Variants in CATSPERE observed in about 807,000 individuals in gnomAD.
CATSPERE encodes the protein catsper channel auxiliary subunit epsilon.
CATSPERE carries 93 observed loss-of-function variants against 114.1 expected under a neutral mutation model. The ratio of observed to expected loss-of-function variants is 0.81; its 90% confidence interval spans 0.69 to 0.97. The LOEUF is 0.97. Among genes scored for constraint, CATSPERE ranks in the 50% least tolerant of loss-of-function variants. CATSPERE has a pLI of 0.00. For missense variants in CATSPERE, 1,058 were observed against 1,131.6 expected (o/e 0.93, Z 0.93); for synonymous variants, 341 against 384.1 (o/e 0.89, Z 1.31).
chr1:244,490,651 C>G (rs139296295), intron 6 of CATSPERE, among the ~76,000 whole-genome samples, 180 bp downstream of exon 6: 1 of 151,868 alleles, frequency 6.6e-6, no homozygotes. Flanking sequence ...CTTTTCTAAC[C>G]ACCTATCTGC....
At chr1:244,580,818 T>C (rs1324729346) in intron 11 of CATSPERE, among the ~76,000 whole-genome samples, 5 of 152,024 alleles carry the variant, frequency 3.3e-5, no homozygotes, top group Admixed American at 3.3e-4. Flanking sequence ...CTGACCAACA[T>C]GGTGAAACCC....
At position 244,568,333 on chromosome 1, in the gene CATSPERE, T is replaced by C. The variant is rs563150375; in HGVS notation, c.1508-3997T>C. The stretch of plus-strand genomic sequence containing the variant: ...GAGACACAGGGGTCAGGGACCCACT[T>C]GAGGAAGCCGTCTGTCCCTTAGCAG... On this transcript the variant is annotated intron_variant, in intron 10 of 21. Coordinates refer to ENST00000366534, the MANE Select transcript of CATSPERE (RefSeq NM_001130957.2). The surrounding 1 kb of genome is among the most constrained non-coding windows in gnomAD (Gnocchi z 4.4). Among the ~76,000 whole-genome samples the C allele has an allele frequency of 5.9e-5, 9 of 152,342 alleles. No homozygotes were observed. In the East Asian group the frequency reaches 1.7e-3, roughly 29 times the overall value.
chr1:244,561,229 C>G (rs1662510024), intron 10 of CATSPERE, 84 bp downstream of exon 10: 1 of 1,037,042 alleles, frequency 9.6e-7, no homozygotes, highest in Non-Finnish European at 1.4e-6. Flanking sequence ...TTTTAATGTA[C>G]CAATGTGTGG....
At chr1:244,569,414 C>T (rs1664120830) in intron 10 of CATSPERE, among the ~76,000 whole-genome samples, 1 of 152,202 alleles carries the variant, frequency 6.6e-6, no homozygotes, top group African/African-American at 2.4e-5. Context: ...TGTGAATTTT[C>T]TATTCATACT....
chr1:244,463,792 A>T, intron 1 of CATSPERE, 116 bp from the exon 2 acceptor site: 1 of 857,182 alleles, frequency 1.2e-6, no homozygotes, highest in South Asian at 1.5e-5. Context: ...AAGGAAGGGA[A>T]TGAGGCAGAA....
rs569021897 is a variant in CATSPERE, at chr1:244,553,241, C to G, written c.1029+427C>G. Among the ~76,000 whole-genome samples the G allele has an allele frequency of 2.0e-4, 31 of 152,240 alleles. No individual in the cohort carries two copies. In the East Asian group the frequency reaches 6.0e-3, roughly 29 times the overall value. On this transcript the variant is annotated intron_variant, in intron 9 of 21. Coordinates refer to ENST00000366534, the MANE Select transcript of CATSPERE (RefSeq NM_001130957.2). Reference sequence around the variant, plus strand: ...TGTCTATGTGTTGGTATCATTTCCTCTCTCCTAGTTACTTTGAAATGTTAA... The same window carrying G: ...TGTCTATGTGTTGGTATCATTTCCTGTCTCCTAGTTACTTTGAAATGTTAA...
chr1:244,605,625 C>T, intron 17 of CATSPERE, 70 bp from the exon 18 acceptor site: 1 of 993,500 alleles, frequency 1.0e-6, no homozygotes, highest in South Asian at 1.4e-5. Context: ...ACTTCTGACT[C>T]AGAAGCTGGA....
intron 2 of CATSPERE, among the ~76,000 whole-genome samples, chr1:244,472,483 T>C (rs1029269726): frequency 6.6e-6 from 1 of 152,216 alleles, no homozygotes; most frequent in African/African-American, 2.4e-5. Flanking sequence ...TAACAGACTT[T>C]ATTTTTAGAG....
chr1:244,629,558 C>G (rs913582342), intron 20 of CATSPERE, among the ~76,000 whole-genome samples: 6 of 138,070 alleles, frequency 4.3e-5, no homozygotes, highest in Admixed American at 7.9e-5. Flanking sequence ...TGTTGCCCAG[C>G]CTGGTCTTGA....
intron 7 of CATSPERE, among the ~76,000 whole-genome samples, chr1:244,500,533 G>A (rs1673870601): frequency 6.6e-6 from 1 of 152,146 alleles, no homozygotes; most frequent in Non-Finnish European, 1.5e-5. Flanking sequence ...GAGGTTTAAG[G>A]AAGGGGTCCA....
chr1:244,585,080 G>T (rs954428522), intron 13 of CATSPERE, among the ~76,000 whole-genome samples: 1 of 143,056 alleles, frequency 7.0e-6, no homozygotes, highest in Non-Finnish European at 1.5e-5. Context: ...ATTTTTTAGG[G>T]ATCCCTATTC....
At chr1:244,494,771 C>T (rs945117457) in intron 6 of CATSPERE, among the ~76,000 whole-genome samples, 1 of 152,004 alleles carries the variant, frequency 6.6e-6, no homozygotes, top group Non-Finnish European at 1.5e-5. Flanking sequence ...TCTCTAAAAG[C>T]AGCAACTTAC....
rs374431482 is a variant in CATSPERE at position 244,463,908 on chromosome 1, G to A, written c.66G>A (p.Arg22=). 5.6e-6 allele frequency: 9 copies of A among 1,596,770 alleles called. No individual in the cohort carries two copies. The highest frequency in any genetic ancestry group is 1.7e-5 in the Admixed American group (1 of 59,982). The change falls in exon 2 of 22, where the codon AGG becomes AGA. Residue 22 remains arginine (R), a splice_region_variant and synonymous_variant. Transcript: ENST00000366534. ...TTATACTTGGCCTCTTCCTCCACAGGTATTCCACTAACAGCCCAAACTATC... is the reference window on the plus strand; with the variant it reads ...TTATACTTGGCCTCTTCCTCCACAGATATTCCACTAACAGCCCAAACTATC... ...WLSCYGSALW[R]YSTNSPNYRI... is the part of the protein sequence containing the mutation.
intron 11 of CATSPERE, among the ~76,000 whole-genome samples, chr1:244,579,243 T>G (rs1256535109): frequency 6.7e-6 from 1 of 148,440 alleles, no homozygotes; most frequent in Non-Finnish European, 1.5e-5. Context: ...CAGTGTGTAC[T>G]GTAGTTAATT....
intron 7 of CATSPERE, among the ~76,000 whole-genome samples, chr1:244,511,472 A>T (rs971930051): frequency 2.0e-5 from 3 of 152,102 alleles, no homozygotes; most frequent in Admixed American, 2.0e-4. Flanking sequence ...ATTCAAGGTT[A>T]TTATTTATAG....
At chr1:244,467,581 C>T (rs140713090) in intron 2 of CATSPERE, among the ~76,000 whole-genome samples, 126 of 152,278 alleles carry the variant, frequency 8.3e-4, no homozygotes, top group East Asian at 4.8e-3. Context: ...TGAATATATA[C>T]GTATCCTGTG....
intron 19 of CATSPERE, chr1:244,610,630 C>T (rs190693430): frequency 5.1e-6 from 2 of 389,100 alleles, no homozygotes; most frequent in East Asian, 1.1e-4. Flanking sequence ...CGACCTAGCT[C>T]CCTTACATTA....
chr1:244,491,022 A>G (rs1458236508), intron 6 of CATSPERE, among the ~76,000 whole-genome samples: 1 of 152,162 alleles, frequency 6.6e-6, no homozygotes, highest in Non-Finnish European at 1.5e-5. Flanking sequence ...TACTGTCAAC[A>G]TTAGACAGAT....
intron 15 of CATSPERE, among the ~76,000 whole-genome samples, chr1:244,592,887 A>G (rs1306336352): frequency 6.6e-6 from 1 of 152,208 alleles, no homozygotes; most frequent in Non-Finnish European, 1.5e-5. Flanking sequence ...AAGTGTGAGG[A>G]CTGAGAAGAC....
Sources: gnomAD v4.1 joint callset for allele counts (sites outside exome capture counted in the v4.1 genomes callset) on GRCh38, gnomAD v4.1.1 for gene constraint, Gnocchi (gnomAD v3.1) non-coding constraint, MANE v1.5 for transcripts, NCBI Gene and HGNC (gene_info 2026-07-23, HGNC 2026-07-21) for gene names.